The following TEAD1 variants were observed in gnomAD, a reference collection of about 807,000 sequenced individuals.
TEAD1 encodes transcriptional enhancer factor TEF-1.
Under a neutral mutation model 54.9 loss-of-function variants are expected in TEAD1, and 9 were observed. The observed-to-expected ratio is 0.16, with a 90% CI of 0.10 to 0.29. The LOEUF (loss-of-function observed/expected upper bound fraction) is 0.29, where lower values mean the gene tolerates loss of function less well. Among genes scored for constraint, TEAD1 ranks in the 10% least tolerant of loss-of-function variants. The pLI, the probability that TEAD1 is intolerant of heterozygous loss-of-function variation, is 1.00. For synonymous variants in TEAD1, 200 were observed against 187.8 expected (o/e 1.07, Z -0.53); for missense variants, 387 against 535.9 (o/e 0.72, Z 2.74).
intron 3 of TEAD1, among the ~76,000 whole-genome samples, chr11:12,834,058 C>T (rs987224008): frequency 1.3e-5 from 2 of 152,170 alleles, no homozygotes; most frequent in East Asian, 1.9e-4. Context: ...GATTTGAATC[C>T]GAGAGAGATG....
At chr11:12,681,246 C>T (rs1005481652) in intron 2 of TEAD1, among the ~76,000 whole-genome samples, 3 of 152,202 alleles carry the variant, frequency 2.0e-5, no homozygotes, top group African/African-American at 7.2e-5. Flanking sequence ...CCGAGAAATT[C>T]TCTTAATTCA....
chr11:12,883,257 A>G lies in TEAD1; in HGVS notation c.699+132A>G, dbSNP rs1238760672. ...AAATATCCTGTGTGAAAACGGGCCT[A>G]GGAAAGAATAGCCTTTTGATTAAGT... On this transcript the variant is annotated intron_variant, in intron 9 of 12. Coordinates refer to ENST00000527636, the MANE Select transcript of TEAD1 (RefSeq NM_021961.6). 6.5e-6 allele frequency: 9 copies of G among 1,391,816 alleles called. No individual in the cohort carries two copies. The African/African-American group carries it at 1.1e-4, about 18-fold the overall frequency. 86.2% of individuals were successfully genotyped at this position (1,391,816 alleles called of 1,614,324 possible). A position where few individuals can be genotyped will look rare whatever the true frequency, so the allele number is the denominator to read the frequency against.
intron 10 of TEAD1, among the ~76,000 whole-genome samples, chr11:12,915,798 T>C (rs1948701949): frequency 6.6e-6 from 1 of 152,140 alleles, no homozygotes; most frequent in South Asian, 2.1e-4. Flanking sequence ...GAGCCAACAT[T>C]GTGCCACTGC....
intron 3 of TEAD1, among the ~76,000 whole-genome samples, chr11:12,768,603 A>T (rs574847843): frequency 6.6e-6 from 1 of 152,178 alleles, no homozygotes; most frequent in South Asian, 2.1e-4. Flanking sequence ...GGGCTGTCTG[A>T]CTCTACATCT....
At chr11:12,880,387 A>G (rs918241297) in intron 6 of TEAD1, among the ~76,000 whole-genome samples, 3 of 152,254 alleles carry the variant, frequency 2.0e-5, no homozygotes, top group African/African-American at 7.2e-5. Flanking sequence ...GAGGTTATTC[A>G]GTAGCAAAAC....
intron 2 of TEAD1, among the ~76,000 whole-genome samples, chr11:12,720,686 A>C (rs1459292397): frequency 6.6e-6 from 1 of 152,210 alleles, no homozygotes; most frequent in Non-Finnish European, 1.5e-5. Flanking sequence ...GTGCCCAATA[A>C]TTGTAACCAG....
Position 12,879,978 on chromosome 11 carries a change from T to G in TEAD1, c.465+136T>G. On this transcript the variant is annotated intron_variant, in intron 6 of 12. Transcript: ENST00000527636. Reference sequence around the variant, plus strand: ...GGGCAAAGGCTACCTTGTCAACTGATAACTGAGTCTAAAGTGGTGAAAGTA... The same window carrying G: ...GGGCAAAGGCTACCTTGTCAACTGAGAACTGAGTCTAAAGTGGTGAAAGTA... 3 of 1,311,956 alleles carry G rather than the reference T, an allele frequency of 2.3e-6. No individual in the cohort carries two copies. The South Asian group carries it at 3.9e-5, about 17-fold the overall frequency. 81.3% of individuals were successfully genotyped at this position (1,311,956 alleles called of 1,614,324 possible).
At position 12,831,475 on chromosome 11, in the gene TEAD1, G is replaced by A. The variant is rs542517523; in HGVS notation, c.203-30775G>A. Among the ~76,000 whole-genome samples, 3 of 152,168 alleles carry A rather than the reference G, an allele frequency of 2.0e-5. No homozygotes were observed. The East Asian group carries it at 5.8e-4, about 29-fold the overall frequency. Reference sequence around the variant, plus strand: ...GTCTTAAAAATCTTGCTCTTGTATAGTCAAGAAATTATTGTTTGAAATGGT... The same window carrying A: ...GTCTTAAAAATCTTGCTCTTGTATAATCAAGAAATTATTGTTTGAAATGGT... On this transcript the variant is annotated intron_variant, in intron 3 of 12. Coordinates refer to ENST00000527636, the MANE Select transcript of TEAD1 (RefSeq NM_021961.6).
intron 3 of TEAD1, among the ~76,000 whole-genome samples, chr11:12,777,803 T>C (rs1474341703): frequency 1.3e-5 from 2 of 152,192 alleles, no homozygotes; most frequent in Non-Finnish European, 2.9e-5. Flanking sequence ...ACCATGTGTA[T>C]TAGGAAGCAT....
chr11:12,905,449 A>G lies in TEAD1; in HGVS notation c.873+3336A>G, dbSNP rs376134826. On this transcript the variant is annotated intron_variant, in intron 10 of 12. Coordinates refer to ENST00000527636, the MANE Select transcript of TEAD1 (RefSeq NM_021961.6). ...TGATAGAAAACATCACTCCTTCAGT[A>G]GAGTTGTTAGGAATATTTAACCTTT... Among the ~76,000 whole-genome samples the G allele has an allele frequency of 3.9e-5, 6 of 152,356 alleles. No individual in the cohort carries two copies. The South Asian group carries it at 6.2e-4, about 16-fold the overall frequency.
chr11:12,825,393 C>A (rs557067217), intron 3 of TEAD1, among the ~76,000 whole-genome samples: 1 of 152,256 alleles, frequency 6.6e-6, no homozygotes, highest in Admixed American at 6.5e-5. Context: ...AGCAACCTTA[C>A]AGGATAAAAG....
chr11:12,690,479 C>A (rs1943434531), intron 2 of TEAD1, among the ~76,000 whole-genome samples: 1 of 152,082 alleles, frequency 6.6e-6, no homozygotes, highest in Admixed American at 6.5e-5. Flanking sequence ...TTCTAGACTG[C>A]CTCGTTCTGG....
At chr11:12,888,450 G>A (rs756231238) in intron 9 of TEAD1, among the ~76,000 whole-genome samples, 50 of 152,188 alleles carry the variant, frequency 3.3e-4, no homozygotes, top group Non-Finnish European at 5.6e-4. Context: ...CGGAGGTGGC[G>A]GTGAGCTGAG....
At chr11:12,705,748 A>T (rs1943800314) in intron 2 of TEAD1, among the ~76,000 whole-genome samples, 2 of 152,330 alleles carry the variant, frequency 1.3e-5, no homozygotes, top group East Asian at 1.9e-4. Flanking sequence ...CAAAGTGTAC[A>T]TTATATTACC....
intron 10 of TEAD1, among the ~76,000 whole-genome samples, chr11:12,907,400 T>C (rs2134136226): frequency 6.6e-6 from 1 of 152,324 alleles, no homozygotes; most frequent in South Asian, 2.1e-4. Context: ...AACAGAGTAA[T>C]GGGATTCTTT....
intron 2 of TEAD1, among the ~76,000 whole-genome samples, chr11:12,696,966 A>G (rs2133832462): frequency 6.6e-6 from 1 of 152,190 alleles, no homozygotes; most frequent in Non-Finnish European, 1.5e-5. Flanking sequence ...GGAACATTTC[A>G]AGGCTTGACT....
At chr11:12,836,846 G>A (rs1590198305) in intron 3 of TEAD1, among the ~76,000 whole-genome samples, 1 of 152,204 alleles carries the variant, frequency 6.6e-6, no homozygotes, top group East Asian at 1.9e-4. Context: ...GAGAGTAATG[G>A]TACATTTGTC....
Position 12,942,120 on chromosome 11 carries a change from C to A in TEAD1, c.*4898C>A, listed in dbSNP as rs1382996302. On this transcript the variant is annotated 3_prime_UTR_variant, in exon 13 of 13. Coordinates refer to ENST00000527636, the MANE Select transcript of TEAD1 (RefSeq NM_021961.6). ...ATACCAAAACAAAAGGTTGCAACTT[C>A]ATAGTTTACTATGAAAAGCAAATTG... 6.6e-6 allele frequency: 1 copy of A among 152,612 alleles called. No homozygotes were observed. Among genetic ancestry groups the A allele is most frequent in the Non-Finnish European group, 1.5e-5 (1 of 68,034 alleles). The allele number at this position is 152,612 out of a possible 1,614,324, so 9.5% of individuals were successfully genotyped here.
chr11:12,744,890 A>C (rs1038592421), intron 2 of TEAD1, among the ~76,000 whole-genome samples: 3 of 152,244 alleles, frequency 2.0e-5, no homozygotes, highest in African/African-American at 7.2e-5. Context: ...TCCAGACTGC[A>C]CGGGTTCTGA....
Sources: allele counts gnomAD v4.1 joint callset (sites outside exome capture counted in the v4.1 genomes callset), GRCh38; gene constraint gnomAD v4.1.1; transcripts MANE v1.5; gene names NCBI Gene and HGNC (gene_info 2026-07-23, HGNC 2026-07-21).